Variants in TTC7B observed in about 807,000 individuals in gnomAD.
The protein encoded by TTC7B is tetratricopeptide repeat protein 7B.
In TTC7B, 28 loss-of-function variants were observed where a neutral mutation model predicts 106.8. The observed-to-expected ratio is 0.26, with a 90% CI of 0.19 to 0.36. The LOEUF (loss-of-function observed/expected upper bound fraction) is 0.36. Among genes scored for constraint, TTC7B ranks in the 10% least tolerant of loss-of-function variants. The probability of loss-of-function intolerance (pLI) is 1.00; values close to 1 mark genes in which losing one functional copy is unlikely to be tolerated. For missense variants in TTC7B, 862 were observed against 1,076.4 expected, an observed-to-expected ratio of 0.80 and a Z score of 2.79; for synonymous variants, 405 against 430.6, an observed-to-expected ratio of 0.94 and a Z score of 0.74.
intron 15 of TTC7B, among the ~76,000 whole-genome samples, chr14:90,626,109 C>T (rs1331535219): frequency 2.0e-5 from 3 of 152,140 alleles, no homozygotes; most frequent in Non-Finnish European, 4.4e-5. Context: ...CGTCAAGAAG[C>T]ACCGCTCTCA....
chr14:90,698,409 C>T (rs1198551494), intron 5 of TTC7B: 1 of 152,150 alleles, frequency 6.6e-6, no homozygotes, highest in Non-Finnish European at 1.5e-5. Context: ...TAAGAAGGAA[C>T]TGTTGCTTAA....
rs374052404 is a variant in TTC7B, at chr14:90,657,244, A to G, written c.1271T>C (p.Ile424Thr). 1.2e-5 allele frequency: 19 copies of G among 1,614,044 alleles called. No homozygotes were observed. The highest frequency in any genetic ancestry group is 1.5e-5 in the Non-Finnish European group (18 of 1,180,012). Residue 424 changes from isoleucine (I) to threonine (T), a missense_variant, in exon 11 of 20, where the codon ATC becomes ACC. Coordinates refer to ENST00000328459, the MANE Select transcript of TTC7B (RefSeq NM_001010854.2). This position sits in a 1 kb window ranked among gnomAD's most constrained non-coding sequence, Gnocchi z 4.2. ...ARAVKVLKEC[I>T]RLKPDDATIP... ...GGTGGCATCGTCTGGCTTCAGGCGG[A>G]TACACTCTTTCAGCACCTTCACGGC...
intron 9 of TTC7B, among the ~76,000 whole-genome samples, chr14:90,672,729 G>T (rs903937513): frequency 8.5e-5 from 13 of 152,052 alleles, no homozygotes; most frequent in Non-Finnish European, 1.3e-4. Context: ...TTTCTATGTG[G>T]TCTCCCTAAC....
At chr14:90,765,116 T>C (rs1052499576) in intron 3 of TTC7B, among the ~76,000 whole-genome samples, 1 of 152,210 alleles carries the variant, frequency 6.6e-6, no homozygotes, top group African/African-American at 2.4e-5. Flanking sequence ...ATCCATACAA[T>C]GTAATATTCA....
chr14:90,525,461 C>T lies in TTC7B; in HGVS notation c.*15907G>A, dbSNP rs1361315735. The T allele has an allele frequency of 7.0e-6, 1 of 143,702 alleles. No homozygotes were observed. The highest frequency in any genetic ancestry group is 2.7e-4 in the East Asian group (1 of 3,638). 8.9% of individuals were successfully genotyped at this position (143,702 alleles called of 1,614,324 possible). A position where few individuals can be genotyped will look rare whatever the true frequency, so the allele number is the denominator to read the frequency against. On this transcript the variant is annotated 3_prime_UTR_variant, in exon 20 of 20. Coordinates refer to ENST00000328459, the MANE Select transcript of TTC7B (RefSeq NM_001010854.2). ...GCGCCACTGCCGCTGCTGCGTGTCC[C>T]TTTCTGAGGCCTCGGACCGCACCGC...
chr14:90,526,746 C>T lies in TTC7B; in HGVS notation c.*14622G>A, dbSNP rs868531692. ...TTCCCCCTCCTTTTGCACGGCACTT[C>T]TCCTTCCTGCTGCCATGTGAAGAAG... On this transcript the variant is annotated 3_prime_UTR_variant, in exon 20 of 20. Transcript: ENST00000328459. The T allele has an allele frequency of 2.0e-5, 3 of 152,304 alleles. No homozygotes were observed. The highest frequency in any genetic ancestry group is 2.1e-4 in the South Asian group (1 of 4,830). 9.4% of individuals were successfully genotyped at this position (152,304 alleles called of 1,614,324 possible).
At chr14:90,644,257 GCACACACACACACACACACA>G in intron 14 of TTC7B, 49 bp from the exon 15 acceptor site, 1 of 1,173,356 alleles carries the variant, frequency 8.5e-7, no homozygotes, top group African/African-American at 1.8e-5. Flanking sequence ...ACATGCACAC[GCACACACACACACACACACA>G]CACGCGCGAA....
At position 90,570,886 on chromosome 14, in the gene TTC7B, C is replaced by T. The variant is rs1193988515; in HGVS notation, c.2310+7220G>A. 6.6e-6 allele frequency among the ~76,000 whole-genome samples: 1 copy of T among 152,190 alleles called. No homozygotes were observed. Among genetic ancestry groups the T allele is most frequent in the African/African-American group, 2.4e-5 (1 of 41,452 alleles). On this transcript the variant is annotated intron_variant, in intron 19 of 19. Coordinates refer to ENST00000328459, the MANE Select transcript of TTC7B (RefSeq NM_001010854.2). The surrounding 1 kb of genome is among the most constrained non-coding windows in gnomAD (Gnocchi z 4.0). The stretch of plus-strand genomic sequence containing the variant: ...ATGGAAGCACAGAGAGATGAAGGGA[C>T]TTATCTCGGGGTACGCAGTTAGTAA...
intron 6 of TTC7B, among the ~76,000 whole-genome samples, chr14:90,690,945 A>T (rs939943440): frequency 2.0e-5 from 3 of 151,924 alleles, no homozygotes; most frequent in Non-Finnish European, 1.5e-5. Flanking sequence ...CATTGGCATT[A>T]AATGTCTATA....
chr14:90,553,553 T>G (rs1043739343), intron 19 of TTC7B, among the ~76,000 whole-genome samples: 7 of 152,146 alleles, frequency 4.6e-5, no homozygotes, highest in Non-Finnish European at 8.8e-5. Context: ...GAACTGTTGG[T>G]TAAATGTGGA....
chr14:90,808,252 A>G lies in TTC7B; in HGVS notation c.121+7923T>C, dbSNP rs1595054908. ...CTTGAGCCCAGGAGTTCGAGACCAG[A>G]GTGGGCAACATAGGGAAACCCGTCT... On this transcript the variant is annotated intron_variant, in intron 1 of 19. Coordinates refer to ENST00000328459, the MANE Select transcript of TTC7B (RefSeq NM_001010854.2). The surrounding 1 kb of genome is among the most constrained non-coding windows in gnomAD (Gnocchi z 4.2). Among the ~76,000 whole-genome samples the G allele has an allele frequency of 1.3e-5, 2 of 152,310 alleles. No homozygotes were observed. Among genetic ancestry groups the G allele is most frequent in the South Asian group, 4.1e-4 (2 of 4,832 alleles).
intron 19 of TTC7B, among the ~76,000 whole-genome samples, chr14:90,562,256 G>A (rs1166000328): frequency 6.6e-6 from 1 of 152,108 alleles, no homozygotes; most frequent in Non-Finnish European, 1.5e-5. Context: ...GTCCCCTCAT[G>A]TTCGTGAAGG....
chr14:90,714,228 C>T (rs1212359553), intron 5 of TTC7B, among the ~76,000 whole-genome samples: 1 of 148,644 alleles, frequency 6.7e-6, no homozygotes, highest in African/African-American at 2.5e-5. Context: ...GAAACTCTGT[C>T]TCAAAAAAAG....
At chr14:90,612,687 C>T (rs1207073380) in intron 16 of TTC7B, among the ~76,000 whole-genome samples, 1 of 152,150 alleles carries the variant, frequency 6.6e-6, no homozygotes, top group Non-Finnish European at 1.5e-5. Context: ...GATTGTTGTC[C>T]TACACAGAAC....
chr14:90,682,920 A>G (rs1339889106), intron 7 of TTC7B, among the ~76,000 whole-genome samples: 1 of 152,198 alleles, frequency 6.6e-6, no homozygotes, highest in African/African-American at 2.4e-5. Flanking sequence ...TGAATTTACC[A>G]ACTCATTTTC....
At chr14:90,731,400 C>T (rs1218034166) in intron 4 of TTC7B, among the ~76,000 whole-genome samples, 1 of 152,166 alleles carries the variant, frequency 6.6e-6, no homozygotes, top group Non-Finnish European at 1.5e-5. Context: ...TTTGCCAAAC[C>T]CCAAACATCC....
chr14:90,753,382 G>A (rs568920103), intron 3 of TTC7B, among the ~76,000 whole-genome samples: 12 of 152,306 alleles, frequency 7.9e-5, no homozygotes, highest in Admixed American at 2.0e-4. Context: ...ATAAGACAAC[G>A]TCCAAGGGTC....
chr14:90,572,975 A>T (rs980953661), intron 19 of TTC7B, among the ~76,000 whole-genome samples: 1 of 151,654 alleles, frequency 6.6e-6, no homozygotes, highest in African/African-American at 2.4e-5. Flanking sequence ...TCTCCTCCCC[A>T]TCACTTTCCC....
intron 8 of TTC7B, 123 bp downstream of exon 8, chr14:90,680,349 G>T: frequency 1.4e-6 from 1 of 715,666 alleles, no homozygotes. Context: ...TTCCCATCCA[G>T]GTATACCCTC....
Sources: allele counts gnomAD v4.1 joint callset (sites outside exome capture counted in the v4.1 genomes callset), GRCh38; gene constraint gnomAD v4.1.1; non-coding constraint Gnocchi (gnomAD v3.1); transcripts MANE v1.5; gene names NCBI Gene and HGNC (gene_info 2026-07-23, HGNC 2026-07-21).